VPS9D1: variants seen among roughly 807,000 people sequenced by gnomAD.
VPS9D1 encodes VPS9 domain-containing protein 1.
Under a neutral mutation model 75.8 loss-of-function variants are expected in VPS9D1, and 78 were observed. The ratio of observed to expected loss-of-function variants is 1.03; its 90% CI spans 0.86 to 1.24. The LOEUF (loss-of-function observed/expected upper bound fraction) is 1.24, where lower values mean the gene tolerates loss of function less well. VPS9D1 is among the 50% of genes most tolerant of loss of function. The probability of loss-of-function intolerance (pLI) is 0.00; values close to 1 mark genes in which losing one functional copy is unlikely to be tolerated. For synonymous variants in VPS9D1, 481 were observed against 385.6 expected (o/e 1.25, Z -2.90); for missense variants, 1,057 against 847.7 (o/e 1.25, Z -3.07).
chr16:89,715,574 T>C (rs564381469), intron 4 of VPS9D1, among the ~76,000 whole-genome samples: 47 of 150,726 alleles, frequency 3.1e-4, no homozygotes, highest in African/African-American at 1.1e-3. Context: ...CAAGCTGGAG[T>C]GCACTGGCAC....
chr16:89,716,372 CAAAA>C, intron 4 of VPS9D1, 86 bp downstream of exon 4: 1 of 1,388,460 alleles, frequency 7.2e-7, no homozygotes, highest in East Asian at 2.6e-5. Flanking sequence ...TCTCAAAAAA[CAAAA>C]AAAAAATCGC....
intron 2 of VPS9D1, chr16:89,717,510 G>A (rs371633437): frequency 5.1e-4 from 231 of 454,252 alleles, no homozygotes; most frequent in African/African-American, 3.8e-3. Flanking sequence ...CGCCGTGGGA[G>A]CTGCCTCTCT....
chr16:89,708,880 GGGCCC>G lies in VPS9D1; in HGVS notation c.1669_1673del (p.Gly557ProfsTer12). The G allele has an allele frequency of 6.3e-7, 1 of 1,585,408 alleles. No individual in the cohort carries two copies. Among genetic ancestry groups the G allele is most frequent in the Non-Finnish European group, 8.5e-7 (1 of 1,172,340 alleles). The stretch of plus-strand genomic sequence containing the variant: ...ACATGGCAGCTGCAGCGATGGGCGG[GGGCCC>G]GGCCTGGGGTGTGGCCTCTGGGGTG... On this transcript the variant is annotated frameshift_variant, in exon 13 of 15. Transcript: ENST00000389386. LOFTEE classifies it high-confidence loss of function.
At position 89,709,894 on chromosome 16, in the gene VPS9D1, G is replaced by T; in HGVS notation, c.1271C>A (p.Ser424Ter). Residue 424 changes from serine (S) to a stop codon, truncating the protein, a stop_gained, in exon 11 of 15, where the codon TCG becomes TAG. Coordinates refer to ENST00000389386, the MANE Select transcript of VPS9D1 (RefSeq NM_004913.3). LOFTEE classifies it high-confidence loss of function. ...EIHNAVDRLL[S>*]LTLLAFEGLN... ...GCCTTCGAAGGCCAGAAGGGTCAGCGAGAGCAGCCTGTCTGCTAGGAACAG... is the reference window on the plus strand; with the variant it reads ...GCCTTCGAAGGCCAGAAGGGTCAGCTAGAGCAGCCTGTCTGCTAGGAACAG... 1 of 1,610,304 alleles carries T rather than the reference G, an allele frequency of 6.2e-7. No homozygotes were observed.
At position 89,716,747 on chromosome 16, in the gene VPS9D1, G is replaced by A. The variant is rs376622407; in HGVS notation, c.251C>T (p.Ser84Leu). ...LAQQCLERAQ[S>L]TAAKLGKTRL... ...AGACCCACCAAGCTTGGCGGCCGTC[G>A]ACTGGGCCCTCTCCAGACACTGCTG... Residue 84 changes from serine to leucine, a missense_variant, in exon 3 of 15, where the codon TCG becomes TTG. By Grantham distance (145) the Ser-to-Leu change is moderately radical (BLOSUM62 -2). Transcript: ENST00000389386. 9 of 1,589,096 alleles carry A rather than the reference G, an allele frequency of 5.7e-6. No homozygotes were observed. Among genetic ancestry groups the A allele is most frequent in the African/African-American group, 2.7e-5 (2 of 73,580 alleles).
chr16:89,710,023 C>T (rs2060879904), intron 10 of VPS9D1, 117 bp from the exon 11 acceptor site: 1 of 1,405,774 alleles, frequency 7.1e-7, no homozygotes, highest in African/African-American at 1.4e-5. Context: ...CTTCAAGCCT[C>T]CTGCACCCAC....
chr16:89,715,522 G>A (rs559998769), intron 4 of VPS9D1, among the ~76,000 whole-genome samples: 14 of 150,524 alleles, frequency 9.3e-5, no homozygotes, highest in Admixed American at 5.3e-4. Flanking sequence ...CACCGCGCCC[G>A]GTCATTTTTT....
rs1396031045 is a variant in VPS9D1, at chr16:89,716,734, C to T, written c.264G>A (p.Lys88=). The T allele has an allele frequency of 1.3e-6, 2 of 1,588,298 alleles. No individual in the cohort carries two copies. The highest frequency in any genetic ancestry group is 1.7e-6 in the Non-Finnish European group (2 of 1,167,176). The stretch of plus-strand genomic sequence containing the variant: ...CGCCTACTGCAGGAGACCCACCAAG[C>T]TTGGCGGCCGTCGACTGGGCCCTCT... ...CLERAQSTAA[K]LGKTRLKPTM... is the part of the protein sequence containing the mutation. Residue 88 remains lysine (K), a synonymous_variant, in exon 3 of 15, where the codon AAG becomes AAA. Coordinates refer to ENST00000389386, the MANE Select transcript of VPS9D1 (RefSeq NM_004913.3).
intron 4 of VPS9D1, among the ~76,000 whole-genome samples, 179 bp downstream of exon 4, chr16:89,716,283 G>A (rs1160022401): frequency 6.6e-6 from 1 of 152,030 alleles, no homozygotes; most frequent in African/African-American, 2.4e-5. Context: ...GAAGAATGGT[G>A]TGAACCCGGG....
chr16:89,711,919 GCCCGCTGCT>G lies in VPS9D1; in HGVS notation c.701_709del (p.Glu234_Arg236del). 1 of 1,551,576 alleles carries G rather than the reference GCCCGCTGCT, an allele frequency of 6.4e-7. No individual in the cohort carries two copies. The highest frequency in any genetic ancestry group is 1.2e-5 in the South Asian group (1 of 84,136). On this transcript the variant is annotated inframe_deletion, in exon 8 of 15. Coordinates refer to ENST00000389386, the MANE Select transcript of VPS9D1 (RefSeq NM_004913.3). ...GTACTCCAGGATGGCGGCGTAAAGG[GCCCGCTGCT>G]CCCGTTCCTCCGGGGTCAGGGCGAC...
chr16:89,718,776 G>A (rs1368683701), intron 2 of VPS9D1, among the ~76,000 whole-genome samples: 3 of 151,748 alleles, frequency 2.0e-5, no homozygotes, highest in African/African-American at 7.3e-5. Context: ...GTACAATGGG[G>A]TGATCTCGGC....
intron 1 of VPS9D1, chr16:89,720,515 A>G (rs1359996435): frequency 1.7e-6 from 2 of 1,148,678 alleles, no homozygotes; most frequent in Non-Finnish European, 2.1e-6. Flanking sequence ...GGTGGAGCCC[A>G]GGCTGTGATG....
intron 4 of VPS9D1, among the ~76,000 whole-genome samples, chr16:89,713,253 CTTTT>C (rs1048430100): frequency 1.3e-5 from 2 of 151,800 alleles, no homozygotes; most frequent in African/African-American, 2.4e-5. Context: ...TTTGGTTTTT[CTTTT>C]TTTCTTTTTT....
intron 8 of VPS9D1, chr16:89,711,615 C>T (rs1251284820): frequency 1.5e-6 from 1 of 650,972 alleles, no homozygotes; most frequent in African/African-American, 1.9e-5. Flanking sequence ...CCTGCACCCT[C>T]GCTGGGACCC....
rs1021775524 is a variant in VPS9D1, at chr16:89,711,177, A to C, written c.833+150T>G. The C allele has an allele frequency of 3.3e-5, 37 of 1,132,636 alleles. 1 individual carries two copies. The highest frequency in any genetic ancestry group is 4.2e-5 in the Non-Finnish European group (34 of 817,944). The allele number at this position is 1,132,636 out of a possible 1,614,324, so 70.2% of individuals were successfully genotyped here. A position where few individuals can be genotyped will look rare whatever the true frequency, so the allele number is the denominator to read the frequency against. ...GCTGGGGAGGTTGGAGAAGCCGAGGAAACGCCCTCAGCGCAAAGGGAGCTG... is the reference window on the plus strand; with the variant it reads ...GCTGGGGAGGTTGGAGAAGCCGAGGCAACGCCCTCAGCGCAAAGGGAGCTG... On this transcript the variant is annotated intron_variant, in intron 9 of 14. Coordinates refer to ENST00000389386, the MANE Select transcript of VPS9D1 (RefSeq NM_004913.3).
rs752533921 is a variant in VPS9D1 at position 89,709,258 on chromosome 16, C to A, written c.1566G>T (p.Glu522Asp). 3.7e-6 allele frequency: 6 copies of A among 1,611,892 alleles called. No individual in the cohort carries two copies. Among genetic ancestry groups the A allele is most frequent in the Non-Finnish European group, 5.1e-6 (6 of 1,179,936 alleles). Reference protein sequence around the residue: ...AAQELGLLVLESCPQKKLECI... With the variant: ...AAQELGLLVLDSCPQKKLECI... ...ACTCCAGCTTCTTCTGGGGGCAGCT[C>A]TCCAGGACCAGCAGTCCGAGCTCCT... Residue 522 changes from glutamate to aspartate, a missense_variant, in exon 12 of 15, where the codon GAG (glutamate) becomes GAT (aspartate). Glu to Asp is a conservative substitution (Grantham distance 45). Transcript: ENST00000389386.
chr16:89,709,740 C>G, intron 11 of VPS9D1, 37 bp downstream of exon 11: 4 of 1,612,792 alleles, frequency 2.5e-6, no homozygotes, highest in Non-Finnish European at 2.5e-6. Flanking sequence ...CTGGAAGACA[C>G]TAGGCCACGC....
Position 89,712,597 on chromosome 16 carries a change from C to G in VPS9D1, c.543+8G>C. ...CGCACCCCCAGGCCCTCCCTAGCCCCCACTCACCAGGGATGTCTTCTGCAT... is the reference window on the plus strand; with the variant it reads ...CGCACCCCCAGGCCCTCCCTAGCCCGCACTCACCAGGGATGTCTTCTGCAT... On this transcript the variant is annotated splice_region_variant and intron_variant, in intron 5 of 14. Transcript: ENST00000389386. The G allele has an allele frequency of 6.2e-7, 1 of 1,609,308 alleles. No individual in the cohort carries two copies. Among genetic ancestry groups the G allele is most frequent in the Non-Finnish European group, 8.5e-7 (1 of 1,178,366 alleles).
At position 89,712,348 on chromosome 16, in the gene VPS9D1, C is replaced by G. The variant is rs1393400267; in HGVS notation, c.606+112G>C. 8 of 1,508,302 alleles carry G rather than the reference C, an allele frequency of 5.3e-6. No homozygotes were observed. The Admixed American group carries it at 1.4e-4, about 26-fold the overall frequency. The allele number at this position is 1,508,302 out of a possible 1,614,324, so 93.4% of individuals were successfully genotyped here. On this transcript the variant is annotated intron_variant, in intron 6 of 14. Transcript: ENST00000389386. ...CTGCAAAGCGGGGAGCCCCTCGGCC[C>G]TGTACCCCGACCCCGGAACCTCCGC...
Sources: gnomAD v4.1 joint callset for allele counts (sites outside exome capture counted in the v4.1 genomes callset) on GRCh38, gnomAD v4.1.1 for gene constraint, MANE v1.5 for transcripts, NCBI Gene and HGNC (gene_info 2026-07-23, HGNC 2026-07-21) for gene names.